The following PIK3CB variants were observed in gnomAD, a reference collection of about 807,000 sequenced individuals.
The protein encoded by PIK3CB is phosphatidylinositol-4,5-bisphosphate 3-kinase catalytic subunit beta, also known as phosphatidylinositol 4,5-bisphosphate 3-kinase catalytic subunit beta isoform.
Under a neutral mutation model 136.8 loss-of-function variants are expected in PIK3CB, and 39 were observed. That is an observed-to-expected ratio of 0.29 (90% CI 0.22 to 0.37). The LOEUF (loss-of-function observed/expected upper bound fraction) is 0.37, where lower values mean the gene tolerates loss of function less well. Among genes scored for constraint, PIK3CB ranks in the 10% least tolerant of loss-of-function variants. PIK3CB has a pLI of 1.00. For missense variants in PIK3CB, 868 were observed against 1,275.4 expected (o/e 0.68, Z 4.87); for synonymous variants, 428 against 436.6 (o/e 0.98, Z 0.25).
At chr3:138,697,500 A>G (rs1438905956) in intron 13 of PIK3CB, among the ~76,000 whole-genome samples, 1 of 152,064 alleles carries the variant, frequency 6.6e-6, no homozygotes, top group Non-Finnish European at 1.5e-5. Flanking sequence ...CAATGGCACA[A>G]TCTTGGCTCA....
intron 2 of PIK3CB, among the ~76,000 whole-genome samples, chr3:138,777,489 T>C (rs1423381525): frequency 1.3e-5 from 2 of 152,172 alleles, no homozygotes; most frequent in African/African-American, 4.8e-5. Flanking sequence ...GCCAAACTTC[T>C]GAGTGAAGAA....
At chr3:138,809,606 CAAAAAA>C (rs57717750) in intron 1 of PIK3CB, among the ~76,000 whole-genome samples, 30 of 113,628 alleles carry the variant, frequency 2.6e-4, no homozygotes, top group African/African-American at 6.3e-4. Context: ...GACTTTGCCT[CAAAAAA>C]AAAAAAAAAA....
At position 138,694,091 on chromosome 3, in the gene PIK3CB, T is replaced by C. The variant is rs577975092; in HGVS notation, c.1892+695A>G. Among the ~76,000 whole-genome samples the C allele has an allele frequency of 3.3e-3, 495 of 150,606 alleles. 6 individuals are homozygous for C. Among genetic ancestry groups the C allele is most frequent in the African/African-American group, 0.01 (422 of 41,060 alleles). On this transcript the variant is annotated intron_variant, in intron 14 of 23. Transcript: ENST00000674063. The stretch of plus-strand genomic sequence containing the variant: ...CACAGCAGGCTTGGCTGCTATCCTC[T>C]AACAAGCCTGCTTATAGGATTGGCC...
intron 2 of PIK3CB, 108 bp from the exon 3 acceptor site, chr3:138,759,467 C>G (rs2045631270): frequency 1.6e-6 from 1 of 640,056 alleles, no homozygotes; most frequent in Non-Finnish European, 2.6e-6. Context: ...TCAATATAGC[C>G]AATAATGTAA....
chr3:138,742,935 G>T (rs540944732), intron 4 of PIK3CB, among the ~76,000 whole-genome samples, 154 bp from the exon 5 acceptor site: 9 of 152,072 alleles, frequency 5.9e-5, no homozygotes, highest in Admixed American at 2.0e-4. Context: ...TACCATTAAA[G>T]ATCAAAAAAC....
intron 11 of PIK3CB, among the ~76,000 whole-genome samples, chr3:138,705,174 C>T (rs393853): frequency 3.5e-5 from 2 of 57,058 alleles, no homozygotes; most frequent in Non-Finnish European, 3.0e-5. Flanking sequence ...AAAAAAAAAA[C>T]AAAAAACAAA....
chr3:138,834,049 C>T (rs1934161385), intron 1 of PIK3CB, among the ~76,000 whole-genome samples: 4 of 152,136 alleles, frequency 2.6e-5, no homozygotes. Context: ...TGCCCCCAAA[C>T]GCACGCCAGC....
intron 4 of PIK3CB, among the ~76,000 whole-genome samples, chr3:138,752,144 G>T (rs1270418044): frequency 6.6e-6 from 1 of 151,984 alleles, no homozygotes; most frequent in East Asian, 1.9e-4. Context: ...AATTAATATG[G>T]GGTGGCATAC....
intron 13 of PIK3CB, 152 bp from the exon 14 acceptor site, chr3:138,695,059 TA>T: frequency 1.7e-6 from 1 of 596,944 alleles, no homozygotes; most frequent in South Asian, 3.1e-5. Context: ...TAATAGAGAC[TA>T]ATAAAGATTG....
Position 138,721,213 on chromosome 3 carries a change from A to G in PIK3CB, c.1051-6494T>C, listed in dbSNP as rs184785170. Among the ~76,000 whole-genome samples the G allele has an allele frequency of 1.4e-4, 21 of 151,938 alleles. 2 individuals carry two copies. The East Asian group carries it at 4.1e-3, about 29-fold the overall frequency. Reference sequence around the variant, plus strand: ...GTTTTGCTCTCATTGCCCACGCTGGAGTGCAATGGCATGATCTCGGCTCAC... The same window carrying G: ...GTTTTGCTCTCATTGCCCACGCTGGGGTGCAATGGCATGATCTCGGCTCAC... On this transcript the variant is annotated intron_variant, in intron 8 of 23. Coordinates refer to ENST00000674063, the MANE Select transcript of PIK3CB (RefSeq NM_006219.3).
chr3:138,746,459 G>C (rs2045356145), intron 4 of PIK3CB, among the ~76,000 whole-genome samples: 1 of 152,052 alleles, frequency 6.6e-6, no homozygotes, highest in Admixed American at 6.5e-5. Flanking sequence ...AGGAGATTGA[G>C]ACCATCCTGG....
intron 5 of PIK3CB, 111 bp downstream of exon 5, chr3:138,742,446 CT>C: frequency 1.7e-6 from 1 of 593,042 alleles, no homozygotes; most frequent in East Asian, 2.8e-5. Context: ...TAAAATTGTT[CT>C]TTCTAATAGT....
At chr3:138,739,787 A>C (rs926177014) in intron 5 of PIK3CB, among the ~76,000 whole-genome samples, 4 of 151,242 alleles carry the variant, frequency 2.6e-5, no homozygotes, top group Non-Finnish European at 5.9e-5. Context: ...CTGTAGTCCC[A>C]GCTACTCGGG....
rs527614926 is a variant in PIK3CB, at chr3:138,705,316, G to C, written c.1531-823C>G. Among the ~76,000 whole-genome samples the C allele has an allele frequency of 1.2e-4, 18 of 151,648 alleles. No homozygotes were observed. The South Asian group carries it at 2.5e-3, about 21-fold the overall frequency. ...CACATCATAACTGAACATGATAATAGTCACAGCTAAAACTATTAAATATAT... is the reference window on the plus strand; with the variant it reads ...CACATCATAACTGAACATGATAATACTCACAGCTAAAACTATTAAATATAT... On this transcript the variant is annotated intron_variant, in intron 11 of 23. Coordinates refer to ENST00000674063, the MANE Select transcript of PIK3CB (RefSeq NM_006219.3).
intron 1 of PIK3CB, among the ~76,000 whole-genome samples, chr3:138,823,537 T>C (rs747698888): frequency 6.6e-6 from 1 of 151,936 alleles, no homozygotes; most frequent in South Asian, 2.1e-4. Context: ...ACCTCGTCTC[T>C]ACTAAAAATA....
intron 2 of PIK3CB, among the ~76,000 whole-genome samples, chr3:138,768,990 G>T (rs1261102342): frequency 3.3e-5 from 5 of 152,216 alleles, no homozygotes; most frequent in African/African-American, 4.8e-5. Context: ...GGGGCTGGGG[G>T]GCCAATGGCA....
chr3:138,714,579 C>T lies in PIK3CB; in HGVS notation c.1191G>A (p.Met397Ile). 6.2e-7 allele frequency: 1 copy of T among 1,613,732 alleles called. No individual in the cohort carries two copies. Among genetic ancestry groups the T allele is most frequent in the Non-Finnish European group, 8.5e-7 (1 of 1,179,736 alleles). The change falls in exon 9 of 24, where the codon ATG becomes ATA. Residue 397 changes from methionine (M) to isoleucine (I), a missense_variant. Met to Ile is a conservative substitution (Grantham distance 10, BLOSUM62 1). Coordinates refer to ENST00000674063, the MANE Select transcript of PIK3CB (RefSeq NM_006219.3). Reference protein sequence around the residue: ...FDINICDLPRMARLCFAVYAV... With the variant: ...FDINICDLPRIARLCFAVYAV... ...CATAAACAGCAAAACATAATCGAGC[C>T]ATTCTTGGTAAGTCACAAATATTAA... is the stretch of plus-strand genomic sequence containing the variant.
intron 8 of PIK3CB, among the ~76,000 whole-genome samples, chr3:138,715,047 T>G (rs1452069262): frequency 6.6e-6 from 1 of 152,198 alleles, no homozygotes; most frequent in East Asian, 1.9e-4. Flanking sequence ...ACCGTGACAG[T>G]AAGTATAAGC....
At chr3:138,677,404 G>A (rs542344415) in intron 19 of PIK3CB, among the ~76,000 whole-genome samples, 9 of 152,112 alleles carry the variant, frequency 5.9e-5, no homozygotes, top group African/African-American at 1.2e-4. Flanking sequence ...GACAAAACCC[G>A]GAGTGAGGGA....
Sources: allele counts gnomAD v4.1 joint callset (sites outside exome capture counted in the v4.1 genomes callset), GRCh38; gene constraint gnomAD v4.1.1; transcripts MANE v1.5; gene names NCBI Gene and HGNC (gene_info 2026-07-23, HGNC 2026-07-21).